The following TMEM161A variants were observed in gnomAD, a reference collection of about 807,000 sequenced individuals.
The protein encoded by TMEM161A is adaptive response to oxidative stress protein 29.
In TMEM161A, 46 loss-of-function variants were observed where a neutral mutation model predicts 57.1. That is an observed-to-expected ratio of 0.81 (90% CI 0.64 to 1.03). The LOEUF is 1.03. TMEM161A is among the 50% of genes least tolerant of loss of function. The pLI is 0.00. For synonymous variants in TMEM161A, 288 were observed against 279.0 expected, an observed-to-expected ratio of 1.03 and a Z score of -0.32; for missense variants, 601 against 621.5, an observed-to-expected ratio of 0.97 and a Z score of 0.35.
intron 6 of TMEM161A, among the ~76,000 whole-genome samples, chr19:19,122,897 A>C (rs1399704665): frequency 6.6e-6 from 1 of 152,238 alleles, no homozygotes; most frequent in Admixed American, 6.5e-5. Context: ...CAAAGACTTC[A>C]GAAATTGGTG....
chr19:19,132,259 A>G lies in TMEM161A; in HGVS notation c.443+93T>C. On this transcript the variant is annotated intron_variant, in intron 5 of 11. Transcript: ENST00000162044. The surrounding 1 kb of genome is among the most constrained non-coding windows in gnomAD (Gnocchi z 4.3). Reference sequence around the variant, plus strand: ...AGCTTGGGGAAGTTTGTGGCACAGCAGGTGAAAACTGCCACACCAGTTTAG... The same window carrying G: ...AGCTTGGGGAAGTTTGTGGCACAGCGGGTGAAAACTGCCACACCAGTTTAG... 3.6e-6 allele frequency: 5 copies of G among 1,408,302 alleles called. No homozygotes were observed. In the South Asian group the frequency reaches 6.8e-5, roughly 19 times the overall value. The allele number at this position is 1,408,302 out of a possible 1,614,324, so 87.2% of individuals were successfully genotyped here.
Position 19,131,811 on chromosome 19 carries a change from C to T in TMEM161A, c.443+541G>A, listed in dbSNP as rs931466385. Reference sequence around the variant, plus strand: ...AAAGTGCTGGGATTACAGGCATGAGCCACCGCGCCTGGCTAATTTTTGTAT... The same window carrying T: ...AAAGTGCTGGGATTACAGGCATGAGTCACCGCGCCTGGCTAATTTTTGTAT... On this transcript the variant is annotated intron_variant, in intron 5 of 11. Transcript: ENST00000162044. Among the ~76,000 whole-genome samples, 8 of 152,262 alleles carry T rather than the reference C, an allele frequency of 5.3e-5. No homozygotes were observed. The East Asian group carries it at 1.5e-3, about 29-fold the overall frequency.
At position 19,121,905 on chromosome 19, in the gene TMEM161A, C is replaced by A; in HGVS notation, c.596-86G>T. On this transcript the variant is annotated intron_variant, in intron 6 of 11. Transcript: ENST00000162044. The surrounding 1 kb of genome is among the most constrained non-coding windows in gnomAD (Gnocchi z 5.8). ...GTTCCCTAACCCCCCATCCCTCAGG[C>A]ATCCGTTTGCTTCCCAAGTAGGAAT... 6.8e-7 allele frequency: 1 copy of A among 1,463,226 alleles called. No individual in the cohort carries two copies. Among genetic ancestry groups the A allele is most frequent in the Non-Finnish European group, 9.4e-7 (1 of 1,068,990 alleles). The allele number at this position is 1,463,226 out of a possible 1,614,324, so 90.6% of individuals were successfully genotyped here. A position where few individuals can be genotyped will look rare whatever the true frequency, so the allele number is the denominator to read the frequency against.
rs535679693 is a variant in TMEM161A, at chr19:19,119,741, G to A, written c.*189C>T. 2 of 690,156 alleles carry A rather than the reference G, an allele frequency of 2.9e-6. No homozygotes were observed. The highest frequency in any genetic ancestry group is 4.8e-6 in the Non-Finnish European group (2 of 419,828). The allele number at this position is 690,156 out of a possible 1,614,324, so 42.8% of individuals were successfully genotyped here. ...GGGACCCTCATGCTGCTGGGCCCAG[G>A]AGAGACAGTTCTGAGGCAGAAACTC... is the stretch of plus-strand genomic sequence containing the variant. On this transcript the variant is annotated 3_prime_UTR_variant, in exon 12 of 12. Transcript: ENST00000162044.
intron 2 of TMEM161A, among the ~76,000 whole-genome samples, chr19:19,134,079 T>C (rs1383426689): frequency 6.6e-6 from 1 of 152,080 alleles, no homozygotes; most frequent in African/African-American, 2.4e-5. Flanking sequence ...GCCTTTGTTT[T>C]TGTCACATAC....
chr19:19,130,382 C>T, intron 5 of TMEM161A, 75 bp from the exon 6 acceptor site: 1 of 1,575,622 alleles, frequency 6.3e-7, no homozygotes, highest in South Asian at 1.1e-5. Context: ...CGTCTGGGAC[C>T]CCAGAACTCC....
chr19:19,131,391 G>A (rs2146335790), intron 5 of TMEM161A, among the ~76,000 whole-genome samples: 1 of 152,156 alleles, frequency 6.6e-6, no homozygotes, highest in South Asian at 2.1e-4. Flanking sequence ...CAAGGCAGGA[G>A]AATCACTTGA....
At chr19:19,137,115 C>G (rs988439782) in intron 1 of TMEM161A, among the ~76,000 whole-genome samples, 10 of 152,210 alleles carry the variant, frequency 6.6e-5, no homozygotes, top group Admixed American at 6.5e-4. Context: ...CTGGGAGACC[C>G]TAGCACTCAC....
At chr19:19,127,986 C>T (rs1359638209) in intron 6 of TMEM161A, among the ~76,000 whole-genome samples, 2 of 152,048 alleles carry the variant, frequency 1.3e-5, no homozygotes, top group Non-Finnish European at 2.9e-5. Flanking sequence ...ATGGATATGC[C>T]TTGAGGACAT....
Position 19,120,196 on chromosome 19 carries a change from G to A in TMEM161A, c.1187-13C>T, listed in dbSNP as rs1231951520. The A allele has an allele frequency of 1.1e-5, 17 of 1,532,328 alleles. No homozygotes were observed. The highest frequency in any genetic ancestry group is 1.5e-5 in the Non-Finnish European group (17 of 1,135,878). 94.9% of individuals were successfully genotyped at this position (1,532,328 alleles called of 1,614,324 possible). ...CAGGAATAGCCTCCTAGGAGAAGAG[G>A]ATGAAGCGAGGTATGAGTGGAAAAA... On this transcript the variant is annotated splice_polypyrimidine_tract_variant and intron_variant, in intron 11 of 11. Coordinates refer to ENST00000162044, the MANE Select transcript of TMEM161A (RefSeq NM_017814.3).
intron 1 of TMEM161A, among the ~76,000 whole-genome samples, chr19:19,135,591 G>C (rs1158246189): frequency 5.9e-5 from 9 of 151,864 alleles, no homozygotes; most frequent in Non-Finnish European, 8.8e-5. Context: ...GGGAGTGGTG[G>C]GGAGAACAGG....
At chr19:19,127,780 A>AT (rs1326652459) in intron 6 of TMEM161A, among the ~76,000 whole-genome samples, 1 of 151,846 alleles carries the variant, frequency 6.6e-6, no homozygotes, top group Non-Finnish European at 1.5e-5. Flanking sequence ...AAAAAAAAAA[A>AT]AAATTAAAAA....
In TMEM161A at chr19:19,121,480, C is replaced by T. The variant is rs542876349; in HGVS notation, c.800+45G>A. Reference sequence around the variant, plus strand: ...GGTACCCCCTCTCCTCGAGTCTCTCCCTTAAGCTCCCTAGTCCCCCCACCC... The same window carrying T: ...GGTACCCCCTCTCCTCGAGTCTCTCTCTTAAGCTCCCTAGTCCCCCCACCC... On this transcript the variant is annotated intron_variant, in intron 8 of 11. Transcript: ENST00000162044. The surrounding 1 kb of genome is among the most constrained non-coding windows in gnomAD (Gnocchi z 5.8). 1.9e-6 allele frequency: 3 copies of T among 1,613,634 alleles called. No homozygotes were observed. The highest frequency in any genetic ancestry group is 2.7e-5 in the African/African-American group (2 of 75,040).
At chr19:19,126,362 G>A (rs1183301946) in intron 6 of TMEM161A, among the ~76,000 whole-genome samples, 3 of 152,158 alleles carry the variant, frequency 2.0e-5, no homozygotes, top group Non-Finnish European at 4.4e-5. Flanking sequence ...GTGGTCAAAT[G>A]AAAACAAAAG....
rs1223753431 is a variant in TMEM161A, at chr19:19,130,835, A to G, written c.444-528T>C. Among the ~76,000 whole-genome samples the G allele has an allele frequency of 2.0e-5, 3 of 152,252 alleles. No homozygotes were observed. In the East Asian group the frequency reaches 5.8e-4, roughly 29 times the overall value. On this transcript the variant is annotated intron_variant, in intron 5 of 11. Coordinates refer to ENST00000162044, the MANE Select transcript of TMEM161A (RefSeq NM_017814.3). ...CTACTGGGGAGCCTGAGGTGGGAGG[A>G]TCGCTTGAGCCCAGGAGTTTGAAGC... is the stretch of plus-strand genomic sequence containing the variant.
At chr19:19,122,256 T>C (rs2059914601) in intron 6 of TMEM161A, among the ~76,000 whole-genome samples, 1 of 152,144 alleles carries the variant, frequency 6.6e-6, no homozygotes, top group Non-Finnish European at 1.5e-5. Context: ...ACCGCACCAT[T>C]GCACTCCAGC....
chr19:19,133,246 C>T lies in TMEM161A; in HGVS notation c.108-36G>A, dbSNP rs368696543. ...GGACGGGCAGTCAGGGAAGCTCAGGCGTGGGGTTGGGAGGTTGAGGCAGTG... is the reference window on the plus strand; with the variant it reads ...GGACGGGCAGTCAGGGAAGCTCAGGTGTGGGGTTGGGAGGTTGAGGCAGTG... On this transcript the variant is annotated intron_variant, in intron 2 of 11. Transcript: ENST00000162044. The T allele has an allele frequency of 2.5e-4, 401 of 1,607,366 alleles. 2 individuals carry two copies. Among genetic ancestry groups the T allele is most frequent in the African/African-American group, 6.7e-5 (5 of 74,796 alleles).
chr19:19,136,922 C>T (rs2059987323), intron 1 of TMEM161A, among the ~76,000 whole-genome samples: 1 of 151,886 alleles, frequency 6.6e-6, no homozygotes, highest in South Asian at 2.1e-4. Flanking sequence ...AAGCCCCACC[C>T]TTCCCCTAGG....
chr19:19,127,744 G>A (rs2059938025), intron 6 of TMEM161A, among the ~76,000 whole-genome samples: 1 of 149,928 alleles, frequency 6.7e-6, no homozygotes. Flanking sequence ...AGCCTGAGAA[G>A]CATAGCAAGA....
Sources: allele counts gnomAD v4.1 joint callset (sites outside exome capture counted in the v4.1 genomes callset), GRCh38; gene constraint gnomAD v4.1.1; non-coding constraint Gnocchi (gnomAD v3.1); transcripts MANE v1.5; gene names NCBI Gene and HGNC (gene_info 2026-07-23, HGNC 2026-07-21).